SLC4A5: variants seen among roughly 807,000 people sequenced by gnomAD.
The protein encoded by SLC4A5 is solute carrier family 4 member 5.
A neutral mutation model predicts 120.4 loss-of-function variants in SLC4A5; 96 were observed. That is an observed-to-expected ratio of 0.80 (90% CI 0.68 to 0.94). SLC4A5 has a LOEUF of 0.94. SLC4A5 is among the 40% of genes least tolerant of loss of function. SLC4A5 has a pLI of 0.00. For missense variants in SLC4A5, 1,259 were observed against 1,459.5 expected (o/e 0.86, Z 2.24); for synonymous variants, 550 against 571.1 (o/e 0.96, Z 0.53).
chr2:74,287,057 C>G (rs951339426), intron 7 of SLC4A5, among the ~76,000 whole-genome samples: 1 of 152,142 alleles, frequency 6.6e-6, no homozygotes, highest in Non-Finnish European at 1.5e-5. Context: ...TTCAGGAACC[C>G]CACTGCCCTG....
chr2:74,315,012 C>T, exon 6 of SLC4A5: 2 of 1,613,758 alleles, frequency 1.2e-6, no homozygotes, highest in South Asian at 2.2e-5. Context: ...CCTTCTCCTC[C>T]TTCACCTTCA....
At chr2:74,302,266 A>G (rs1477179408) in intron 7 of SLC4A5, among the ~76,000 whole-genome samples, 1 of 152,158 alleles carries the variant, frequency 6.6e-6, no homozygotes, top group Non-Finnish European at 1.5e-5. Context: ...AGTAACACAC[A>G]CACATAGTAT....
intron 30 of SLC4A5, among the ~76,000 whole-genome samples, chr2:74,219,295 C>G (rs1694548127): frequency 6.6e-6 from 1 of 151,890 alleles, no homozygotes; most frequent in South Asian, 2.1e-4. Context: ...CTGCCCCGCT[C>G]TATGTCTGGC....
chr2:74,256,859 T>C (rs1457073247), intron 12 of SLC4A5, among the ~76,000 whole-genome samples: 1 of 152,162 alleles, frequency 6.6e-6, no homozygotes, highest in Non-Finnish European at 1.5e-5. Flanking sequence ...AGGGGAGCAG[T>C]TGGGGTAGCG....
In SLC4A5 at chr2:74,239,467, G is replaced by A. The variant is rs4853018; in HGVS notation, c.2187C>T (p.Gly729=). 630,569 of 1,613,660 alleles carry A rather than the reference G, an allele frequency of 0.39. 131,273 individuals carry two copies. Among genetic ancestry groups the A allele is most frequent in the Non-Finnish European group, 0.43 (504,115 of 1,179,746 alleles). Residue 729 remains glycine, a synonymous_variant, in exon 21 of 31, where the codon GGC becomes GGT. Transcript: ENST00000394019. ...TGCAGGAATTCCCAAGCAGGCGCCC[G>A]CCGTAGCTCAGACACTCCTTCTTGC... is the stretch of plus-strand genomic sequence containing the variant.
chr2:74,241,578 T>A (rs1206985712), intron 20 of SLC4A5, among the ~76,000 whole-genome samples: 1 of 151,684 alleles, frequency 6.6e-6, no homozygotes, highest in East Asian at 1.9e-4. Context: ...CCGTCTCTAC[T>A]AAAAATACAA....
At chr2:74,236,809 T>C (rs1176667291) in intron 21 of SLC4A5, among the ~76,000 whole-genome samples, 3 of 151,934 alleles carry the variant, frequency 2.0e-5, no homozygotes, top group Admixed American at 6.6e-5. Context: ...AATCAGAGAG[T>C]GTCAGTTGCT....
chr2:74,283,090 T>C (rs1367263424), intron 8 of SLC4A5, among the ~76,000 whole-genome samples: 6 of 152,200 alleles, frequency 3.9e-5, no homozygotes, highest in East Asian at 1.9e-4. Flanking sequence ...TCCAGACCTA[T>C]GTTCTTCCCT....
chr2:74,253,469 A>G (rs555321944), intron 14 of SLC4A5, among the ~76,000 whole-genome samples: 9 of 152,168 alleles, frequency 5.9e-5, no homozygotes, highest in Non-Finnish European at 1.2e-4. Flanking sequence ...GAGCTCAGAT[A>G]TTTCATAACC....
rs202126887 is a variant in SLC4A5, at chr2:74,221,502, C to T, written c.3332-1G>A. 48 of 1,613,994 alleles carry T rather than the reference C, an allele frequency of 3.0e-5. No individual in the cohort carries two copies. Among genetic ancestry groups the T allele is most frequent in the Middle Eastern group, 1.6e-4 (1 of 6,084 alleles). On this transcript the variant is annotated splice_acceptor_variant, in intron 29 of 30. Coordinates refer to ENST00000394019, the Ensembl canonical transcript of SLC4A5. LOFTEE classifies it high-confidence loss of function. ...TAACTCCAACTGGAAGATCTTTTTC[C>T]TGGCAGGAAAATGAAAAATGTCAGA...
intron 6 of SLC4A5, among the ~76,000 whole-genome samples, chr2:74,309,830 T>C (rs56162375): frequency 3.2e-4 from 49 of 151,936 alleles, no homozygotes; most frequent in African/African-American, 1.2e-3. Context: ...TAATTTTTTT[T>C]TTTGTATTTT....
chr2:74,341,271 A>T (rs1352740836), intron 2 of SLC4A5, among the ~76,000 whole-genome samples: 1 of 144,702 alleles, frequency 6.9e-6, no homozygotes, highest in East Asian at 2.1e-4. Context: ...GTGCCACTGC[A>T]CTCCAGCCTA....
chr2:74,291,096 T>C (rs554800997), intron 7 of SLC4A5, among the ~76,000 whole-genome samples: 4 of 152,280 alleles, frequency 2.6e-5, no homozygotes, highest in African/African-American at 4.8e-5. Context: ...TAATGTGCTA[T>C]GTAGCTGGTT....
At chr2:74,250,350 T>C (rs775181962) in exon 17 of SLC4A5, 11 of 1,613,944 alleles carry the variant, frequency 6.8e-6, no homozygotes, top group Middle Eastern at 1.7e-4. Flanking sequence ...CACCTGATAA[T>C]TGTCGGTGGC....
intron 1 of SLC4A5, among the ~76,000 whole-genome samples, chr2:74,343,035 T>C (rs1673659689): frequency 6.6e-6 from 1 of 152,020 alleles, no homozygotes; most frequent in East Asian, 1.9e-4. Context: ...ATGCACACAC[T>C]ACACGCTCCC....
intron 25 of SLC4A5, among the ~76,000 whole-genome samples, chr2:74,230,757 G>A (rs1445150155): frequency 6.6e-6 from 1 of 152,170 alleles, no homozygotes; most frequent in Non-Finnish European, 1.5e-5. Context: ...CGGTGACAGT[G>A]TGGAAACATT....
At position 74,259,654 on chromosome 2, in the gene SLC4A5, A is replaced by T. The variant is rs776070248; in HGVS notation, c.812-11T>A. On this transcript the variant is annotated splice_polypyrimidine_tract_variant and intron_variant, in intron 11 of 30. Coordinates refer to ENST00000394019, the Ensembl canonical transcript of SLC4A5. ...TGCTCTGGGCATGACCTAGGAGAAA[A>T]GGAAAAGAAGATCCATCAGGGGAAG... The T allele has an allele frequency of 1.9e-6, 3 of 1,613,990 alleles. No individual in the cohort carries two copies. The highest frequency in any genetic ancestry group is 2.5e-6 in the Non-Finnish European group (3 of 1,179,986).
chr2:74,234,600 G>C (rs1670209673), intron 22 of SLC4A5, among the ~76,000 whole-genome samples: 1 of 152,156 alleles, frequency 6.6e-6, no homozygotes. Context: ...TCACCTGAAG[G>C]GCTTGTTAAA....
chr2:74,337,690 A>C (rs1276251540), intron 3 of SLC4A5, among the ~76,000 whole-genome samples: 1 of 152,236 alleles, frequency 6.6e-6, no homozygotes, highest in East Asian at 1.9e-4. Flanking sequence ...AGGGCTCAGC[A>C]CATATTATTG....
Sources: allele counts gnomAD v4.1 joint callset (sites outside exome capture counted in the v4.1 genomes callset), GRCh38; gene constraint gnomAD v4.1.1; transcripts MANE v1.5; gene names NCBI Gene and HGNC (gene_info 2026-07-23, HGNC 2026-07-21).